The following ARHGAP17 variants were observed in gnomAD, a reference collection of about 807,000 sequenced individuals.
ARHGAP17 encodes Rho GTPase activating protein 17, also known as rho GTPase-activating protein 17.
ARHGAP17 carries 57 observed loss-of-function variants against 99.5 expected under a neutral mutation model. The observed-to-expected ratio is 0.57, with a 90% CI of 0.46 to 0.71. ARHGAP17 has a LOEUF of 0.71. ARHGAP17 is among the 30% of genes least tolerant of loss of function. The probability of loss-of-function intolerance (pLI) is 0.00; values close to 1 mark genes in which losing one functional copy is unlikely to be tolerated. For synonymous variants in ARHGAP17, 417 were observed against 429.6 expected, an observed-to-expected ratio of 0.97 and a Z score of 0.36; for missense variants, 1,000 against 1,122.4, an observed-to-expected ratio of 0.89 and a Z score of 1.56.
chr16:24,968,742 C>T lies in ARHGAP17; in HGVS notation c.303G>A (p.Glu101=). 3 of 1,614,214 alleles carry T rather than the reference C, an allele frequency of 1.9e-6. No individual in the cohort carries two copies. Among genetic ancestry groups the T allele is most frequent in the Non-Finnish European group, 2.5e-6 (3 of 1,180,038 alleles). The change falls in exon 5 of 20, where the codon GAG becomes GAA. Residue 101 remains glutamate (E), a synonymous_variant. Transcript: ENST00000289968. Reference sequence around the variant, plus strand: ...GGGAGAGCTCGAGAGCCAGCTGATTCTCAGCATCTCCACACGTCTCCAGCA... The same window carrying T: ...GGGAGAGCTCGAGAGCCAGCTGATTTTCAGCATCTCCACACGTCTCCAGCA... ...GKMLETCGDA[E]NQLALELSQH... is the part of the protein sequence containing the mutation.
chr16:24,955,835 G>C lies in ARHGAP17; in HGVS notation c.725-1105C>G, dbSNP rs1195611642. 6.6e-6 allele frequency: 1 copy of C among 152,186 alleles called. No homozygotes were observed. Among genetic ancestry groups the C allele is most frequent in the African/African-American group, 2.4e-5 (1 of 41,406 alleles). The allele number at this position is 152,186 out of a possible 1,614,324, so 9.4% of individuals were successfully genotyped here. On this transcript the variant is annotated intron_variant, in intron 9 of 19. Coordinates refer to ENST00000289968, the MANE Select transcript of ARHGAP17 (RefSeq NM_001006634.3). The surrounding 1 kb of genome is among the most constrained non-coding windows in gnomAD (Gnocchi z 4.0). ...AAATCCCACAAATCCATAGAACCGA[G>C]AGCTTGTGGAAAGGTAAAAATGGAT...
chr16:24,984,079 A>T (rs2052782335), intron 1 of ARHGAP17, among the ~76,000 whole-genome samples: 1 of 152,220 alleles, frequency 6.6e-6, no homozygotes, highest in Admixed American at 6.5e-5. Flanking sequence ...AAGACAGAAG[A>T]TGCTCAGACC....
Position 24,947,511 on chromosome 16 carries a change from G to A in ARHGAP17, c.1212C>T (p.Gly404=). The part of the protein sequence containing the change: ...MTPSNIAIVL[G]PNLLWARNEG... ...CATTTCTGGCCCATAACAAGTTAGG[G>A]CCTAACACAATCGCAATGTTGCTGG... The change falls in exon 14 of 20, where the codon GGC becomes GGT. Residue 404 remains glycine, a synonymous_variant. Transcript: ENST00000289968. 6.2e-7 allele frequency: 1 copy of A among 1,613,718 alleles called. No homozygotes were observed.
intron 19 of ARHGAP17, among the ~76,000 whole-genome samples, chr16:24,925,655 C>T (rs1056927388): frequency 6.6e-6 from 1 of 152,148 alleles, no homozygotes; most frequent in African/African-American, 2.4e-5. Context: ...AGTAATAATA[C>T]ATCTGGTTGA....
intron 14 of ARHGAP17, among the ~76,000 whole-genome samples, 174 bp from the exon 15 acceptor site, chr16:24,944,036 G>T (rs916905933): frequency 6.6e-6 from 1 of 152,112 alleles, no homozygotes; most frequent in Non-Finnish European, 1.5e-5. Flanking sequence ...ACTTTGGGAG[G>T]CTGAGGCGGG....
At chr16:24,940,299 C>CCA in intron 16 of ARHGAP17, among the ~76,000 whole-genome samples, 1 of 152,238 alleles carries the variant, frequency 6.6e-6, no homozygotes. Flanking sequence ...AGAAGGCCTA[C>CCA]CAATGGCAGT....
In ARHGAP17 at chr16:24,955,759, C is replaced by G. The variant is rs550723342; in HGVS notation, c.725-1029G>C. 5 of 152,334 alleles carry G rather than the reference C, an allele frequency of 3.3e-5. No individual in the cohort carries two copies. The highest frequency in any genetic ancestry group is 1.2e-4 in the African/African-American group (5 of 41,558). 9.4% of individuals were successfully genotyped at this position (152,334 alleles called of 1,614,324 possible). ...ACTCTGGTGTGTCCTCTTACACTCT[C>G]TCCCATGTCACAGCAGGGGTAGATT... On this transcript the variant is annotated intron_variant, in intron 9 of 19. Transcript: ENST00000289968. The surrounding 1 kb of genome is among the most constrained non-coding windows in gnomAD (Gnocchi z 4.0).
rs558815926 is a variant in ARHGAP17, at chr16:24,987,779, A to T, written c.54-8774T>A. On this transcript the variant is annotated intron_variant, in intron 1 of 19. Transcript: ENST00000289968. ...GGCTTTTACACTTGCACACTGACTGATACGTCAATTAAAATGAAAAAATGA... is the reference window on the plus strand; with the variant it reads ...GGCTTTTACACTTGCACACTGACTGTTACGTCAATTAAAATGAAAAAATGA... Among the ~76,000 whole-genome samples the T allele has an allele frequency of 2.6e-5, 4 of 152,332 alleles. No homozygotes were observed. The South Asian group carries it at 8.3e-4, about 32-fold the overall frequency.
intron 1 of ARHGAP17, among the ~76,000 whole-genome samples, chr16:25,002,484 T>G (rs539088623): frequency 1.3e-4 from 20 of 152,254 alleles, no homozygotes; most frequent in African/African-American, 4.8e-4. Context: ...GCACCAACTT[T>G]CTCAACCTTT....
intron 6 of ARHGAP17, among the ~76,000 whole-genome samples, chr16:24,965,892 T>C (rs778689586): frequency 6.6e-6 from 1 of 152,236 alleles, no homozygotes; most frequent in Non-Finnish European, 1.5e-5. Flanking sequence ...TTACCATTTT[T>C]TTCTCCAGGG....
chr16:24,998,558 G>A (rs1470154956), intron 1 of ARHGAP17, among the ~76,000 whole-genome samples: 1 of 152,164 alleles, frequency 6.6e-6, no homozygotes, highest in East Asian at 1.9e-4. Flanking sequence ...GTCTGGGGTA[G>A]GGTGAAGTAG....
chr16:24,947,923 C>T (rs2051521825), intron 13 of ARHGAP17, among the ~76,000 whole-genome samples: 1 of 152,046 alleles, frequency 6.6e-6, no homozygotes, highest in Non-Finnish European at 1.5e-5. Flanking sequence ...ATAGTGAGCT[C>T]AATATTTTTA....
intron 13 of ARHGAP17, 79 bp from the exon 14 acceptor site, chr16:24,947,674 T>G: frequency 8.1e-6 from 10 of 1,239,184 alleles, no homozygotes; most frequent in South Asian, 3.7e-5. Flanking sequence ...GGGTGCACAA[T>G]CCCAGTTTGC....
chr16:24,965,201 T>C (rs1301718610), intron 6 of ARHGAP17, among the ~76,000 whole-genome samples: 2 of 152,248 alleles, frequency 1.3e-5, no homozygotes, highest in African/African-American at 4.8e-5. Context: ...CCGGGTGCGT[T>C]GGCTCACGCC....
chr16:25,006,788 A>G (rs1004785009), intron 1 of ARHGAP17, among the ~76,000 whole-genome samples: 1 of 152,226 alleles, frequency 6.6e-6, no homozygotes, highest in Non-Finnish European at 1.5e-5. Context: ...GATAGAGGGA[A>G]ATGAAGCCAA....
chr16:24,963,549 G>A (rs535785143), intron 7 of ARHGAP17, among the ~76,000 whole-genome samples: 20 of 152,228 alleles, frequency 1.3e-4, no homozygotes, highest in African/African-American at 4.1e-4. Context: ...AAGACTCCCC[G>A]AAGACCTATT....
chr16:25,009,886 C>T (rs1272310792), intron 1 of ARHGAP17, among the ~76,000 whole-genome samples: 1 of 152,070 alleles, frequency 6.6e-6, no homozygotes. Flanking sequence ...GCACCAAGCC[C>T]AGCAGCTTCA....
At chr16:24,977,820 G>C (rs964889342) in intron 2 of ARHGAP17, among the ~76,000 whole-genome samples, 2 of 152,130 alleles carry the variant, frequency 1.3e-5, no homozygotes, top group Non-Finnish European at 2.9e-5. Context: ...ACTATTGCTA[G>C]AATATGGCTG....
In ARHGAP17 at chr16:24,992,864, G is replaced by A. The variant is rs118008111; in HGVS notation, c.54-13859C>T. Among the ~76,000 whole-genome samples, 1,045 of 152,178 alleles carry A rather than the reference G, an allele frequency of 6.9e-3. 8 individuals are homozygous for A. The highest frequency in any genetic ancestry group is 0.01 in the Admixed American group (158 of 15,290). On this transcript the variant is annotated intron_variant, in intron 1 of 19. Coordinates refer to ENST00000289968, the MANE Select transcript of ARHGAP17 (RefSeq NM_001006634.3). ...CCCAGACTGTGGAAAGCAATGGTGC[G>A]ATCGTAACTTATTTTAGCCTCCAAC...
Sources: gnomAD v4.1 joint callset for allele counts (sites outside exome capture counted in the v4.1 genomes callset) on GRCh38, gnomAD v4.1.1 for gene constraint, Gnocchi (gnomAD v3.1) non-coding constraint, MANE v1.5 for transcripts, NCBI Gene and HGNC (gene_info 2026-07-23, HGNC 2026-07-21) for gene names.